Variants in PCNX1 observed in about 807,000 individuals in gnomAD.
PCNX1 encodes pecanex 1, also known as pecanex-like protein 1.
Under a neutral mutation model 242.2 loss-of-function variants are expected in PCNX1, and 78 were observed. The observed-to-expected ratio is 0.32, with a 90% CI of 0.27 to 0.39. The LOEUF is 0.39. Among genes scored for constraint, PCNX1 ranks in the 10% least tolerant of loss-of-function variants. PCNX1 has a pLI of 1.00. For missense variants in PCNX1, 2,581 were observed against 2,856.5 expected (o/e 0.90, Z 2.20); for synonymous variants, 1,024 against 1,032.9 (o/e 0.99, Z 0.17).
chr14:70,978,274 A>C lies in PCNX1; in HGVS notation c.1937A>C (p.Lys646Thr). Residue 646 changes from lysine to threonine, a missense_variant, in exon 6 of 36, where the codon AAA (lysine) becomes ACA (threonine). By Grantham distance (78) the Lys-to-Thr change is moderately conservative. Coordinates refer to ENST00000304743, the MANE Select transcript of PCNX1 (RefSeq NM_014982.3). ...GGCAGATACAGTGCTCTAAAGACCA[A>C]ACACACTCATAAAGAAAGGGGCACA... ...PEGRYSALKT[K>T]HTHKERGTDS... 4 of 1,614,152 alleles carry C rather than the reference A, an allele frequency of 2.5e-6. No individual in the cohort carries two copies. Among genetic ancestry groups the C allele is most frequent in the Non-Finnish European group, 3.4e-6 (4 of 1,180,014 alleles).
rs760764828 is a variant in PCNX1 at position 71,113,255 on chromosome 14, G to A, written c.*3320G>A. ...ATGATAATCTATTTCTATTAGATTC[G>A]AAGTATTTTGGAAAATATTTCAAGT... is the stretch of plus-strand genomic sequence containing the variant. On this transcript the variant is annotated 3_prime_UTR_variant, in exon 36 of 36. Coordinates refer to ENST00000304743, the MANE Select transcript of PCNX1 (RefSeq NM_014982.3). 1 of 152,116 alleles carries A rather than the reference G, an allele frequency of 6.6e-6. No homozygotes were observed. The highest frequency in any genetic ancestry group is 2.4e-5 in the African/African-American group (1 of 41,392). The allele number at this position is 152,116 out of a possible 1,614,324, so 9.4% of individuals were successfully genotyped here.
chr14:71,070,508 G>C (rs765067481), intron 26 of PCNX1, among the ~76,000 whole-genome samples: 3 of 152,216 alleles, frequency 2.0e-5, no homozygotes, highest in Non-Finnish European at 4.4e-5. Context: ...ACAGACTGCA[G>C]AACGGATGTT....
intron 6 of PCNX1, 99 bp downstream of exon 6, chr14:70,978,747 C>T (rs2058752821): frequency 7.7e-6 from 8 of 1,040,150 alleles, no homozygotes; most frequent in Admixed American, 7.5e-5. Context: ...TTAATATTCC[C>T]CCTTCCACTG....
intron 2 of PCNX1, among the ~76,000 whole-genome samples, chr14:70,961,802 C>T (rs995904983): frequency 5.9e-5 from 9 of 152,038 alleles, no homozygotes; most frequent in Admixed American, 2.6e-4. Flanking sequence ...AGACTGATCT[C>T]GAGGGGATTC....
intron 28 of PCNX1, among the ~76,000 whole-genome samples, chr14:71,086,990 TAAAA>T (rs907232276): frequency 6.7e-6 from 1 of 148,296 alleles, no homozygotes; most frequent in East Asian, 2.0e-4. Flanking sequence ...AAATCTGAAT[TAAAA>T]AAAAAAATTT....
chr14:70,954,675 C>A (rs1008069124), intron 2 of PCNX1, among the ~76,000 whole-genome samples: 2 of 152,090 alleles, frequency 1.3e-5, no homozygotes, highest in African/African-American at 4.8e-5. Flanking sequence ...TCTTATTAAA[C>A]CCCCTTATTA....
chr14:70,996,559 A>G (rs915364521), intron 8 of PCNX1, among the ~76,000 whole-genome samples: 1 of 152,146 alleles, frequency 6.6e-6, no homozygotes, highest in Non-Finnish European at 1.5e-5. Flanking sequence ...TCAGTGATAC[A>G]TACCTACTCA....
intron 1 of PCNX1, chr14:70,942,748 T>G (rs1555343933): frequency 2.6e-5 from 4 of 152,160 alleles, no homozygotes; most frequent in Non-Finnish European, 2.9e-5. Flanking sequence ...GCCTTTTGGG[T>G]TTTTATAGAA....
intron 9 of PCNX1, 70 bp from the exon 10 acceptor site, chr14:71,011,422 A>G (rs2059817550): frequency 1.2e-6 from 1 of 844,258 alleles, no homozygotes; most frequent in Middle Eastern, 2.2e-4. Flanking sequence ...TGTGAATCTC[A>G]TCTGAATGTT....
chr14:70,930,579 CTATT>C (rs1364807560), intron 1 of PCNX1, among the ~76,000 whole-genome samples: 1 of 151,962 alleles, frequency 6.6e-6, no homozygotes, highest in Non-Finnish European at 1.5e-5. Context: ...AAGATAATAT[CTATT>C]ATTTTTAATT....
intron 34 of PCNX1, 115 bp from the exon 35 acceptor site, chr14:71,109,335 TCC>T: frequency 1.0e-6 from 1 of 969,676 alleles, no homozygotes; most frequent in Non-Finnish European, 1.5e-6. Flanking sequence ...TTTTTTTTAT[TCC>T]ATTATAGGAA....
Position 70,974,770 on chromosome 14 carries a change from C to T in PCNX1, c.605-2172C>T, listed in dbSNP as rs183500453. Among the ~76,000 whole-genome samples, 6 of 152,132 alleles carry T rather than the reference C, an allele frequency of 3.9e-5. No homozygotes were observed. The East Asian group carries it at 7.7e-4, about 20-fold the overall frequency. On this transcript the variant is annotated intron_variant, in intron 5 of 35. Coordinates refer to ENST00000304743, the MANE Select transcript of PCNX1 (RefSeq NM_014982.3). ...AGCAGTATGTCTTTCTTATTCTAAA[C>T]GCCACTAATAACAATTATTTTAAAA...
intron 13 of PCNX1, among the ~76,000 whole-genome samples, chr14:71,024,901 A>G (rs986848855): frequency 6.6e-6 from 1 of 152,080 alleles, no homozygotes; most frequent in African/African-American, 2.4e-5. Flanking sequence ...AAGAACCATT[A>G]CTCTACTGTA....
chr14:71,089,951 GAAGAAA>G (rs1352259980), intron 30 of PCNX1, among the ~76,000 whole-genome samples: 3 of 152,130 alleles, frequency 2.0e-5, no homozygotes, highest in Non-Finnish European at 4.4e-5. Flanking sequence ...CATGAAATGT[GAAGAAA>G]AAGAAAAATT....
At chr14:70,961,998 T>G (rs2058232467) in intron 2 of PCNX1, among the ~76,000 whole-genome samples, 1 of 151,388 alleles carries the variant, frequency 6.6e-6, no homozygotes. Context: ...CAGTTTGGAA[T>G]AAGAGAGTTA....
At chr14:71,078,515 T>G (rs954971469) in intron 28 of PCNX1, 9 of 152,258 alleles carry the variant, frequency 5.9e-5, no homozygotes, top group Non-Finnish European at 1.3e-4. Flanking sequence ...AAGTATTTCT[T>G]TCACTTTGTT....
At chr14:70,911,845 GA>G (rs1239207001) in intron 1 of PCNX1, among the ~76,000 whole-genome samples, 9 of 152,250 alleles carry the variant, frequency 5.9e-5, no homozygotes, top group African/African-American at 2.2e-4. Flanking sequence ...ATGACTGTAG[GA>G]GACTAAATAG....
At chr14:71,103,360 C>T (rs1388311529) in intron 31 of PCNX1, 35 bp from the exon 32 acceptor site, 2 of 1,604,746 alleles carry the variant, frequency 1.2e-6, no homozygotes, top group Admixed American at 1.7e-5. Context: ...TATTCTTGGC[C>T]CCTTAACCTA....
chr14:70,947,759 A>AT (rs1164495233), intron 2 of PCNX1, among the ~76,000 whole-genome samples: 1 of 152,252 alleles, frequency 6.6e-6, no homozygotes, highest in African/African-American at 2.4e-5. Context: ...GAACAAGGAG[A>AT]TAACCATAAA....
Sources: allele counts gnomAD v4.1 joint callset (sites outside exome capture counted in the v4.1 genomes callset), GRCh38; gene constraint gnomAD v4.1.1; transcripts MANE v1.5; gene names NCBI Gene and HGNC (gene_info 2026-07-23, HGNC 2026-07-21).